Variants in GRIN2B observed in about 807,000 individuals in gnomAD.
GRIN2B encodes glutamate receptor ionotropic, NMDA 2B.
A neutral mutation model predicts 114.5 loss-of-function variants in GRIN2B; 5 were observed. The ratio of observed to expected loss-of-function variants is 0.04; its 90% CI spans 0.02 to 0.09. The LOEUF (loss-of-function observed/expected upper bound fraction) is 0.09, where lower values mean the gene tolerates loss of function less well. Ranked by LOEUF, GRIN2B falls within the 10% of genes least tolerant of loss-of-function variation. GRIN2B has a pLI of 1.00. For missense variants in GRIN2B, 1,108 were observed against 1,943.5 expected, an observed-to-expected ratio of 0.57 and a Z score of 8.08; for synonymous variants, 787 against 745.1, an observed-to-expected ratio of 1.06 and a Z score of -0.92.
At chr12:13,832,570 A>C (rs1044706060) in intron 3 of GRIN2B, among the ~76,000 whole-genome samples, 3 of 152,178 alleles carry the variant, frequency 2.0e-5, no homozygotes, top group Non-Finnish European at 2.9e-5. Context: ...ATATTTGTTG[A>C]TTATAATTTT....
chr12:13,638,723 A>G (rs917907101), intron 5 of GRIN2B, among the ~76,000 whole-genome samples: 2 of 152,100 alleles, frequency 1.3e-5, no homozygotes, highest in African/African-American at 4.8e-5. Flanking sequence ...ACACTAAAAA[A>G]CTGCTTGGAA....
intron 3 of GRIN2B, among the ~76,000 whole-genome samples, chr12:13,841,910 C>T (rs1370106609): frequency 1.3e-5 from 2 of 151,862 alleles, no homozygotes; most frequent in Middle Eastern, 3.2e-3. Context: ...TTTTAAAAGT[C>T]GAAATTGGAA....
Position 13,615,696 on chromosome 12 carries a change from CAA to C in GRIN2B, c.1329-34_1329-33del. 6.3e-7 allele frequency: 1 copy of C among 1,596,538 alleles called. No individual in the cohort carries two copies. Among genetic ancestry groups the C allele is most frequent in the South Asian group, 1.1e-5 (1 of 90,756 alleles). The stretch of plus-strand genomic sequence containing the variant: ...AATTAAAGAAACAAAAACAAACAAA[CAA>C]AAAAGTCTTTGTACAAAAAGCCAAC... On this transcript the variant is annotated intron_variant, in intron 6 of 13. Transcript: ENST00000609686. The surrounding 1 kb of genome is among the most constrained non-coding windows in gnomAD (Gnocchi z 5.8).
chr12:13,647,715 C>T lies in GRIN2B; in HGVS notation c.1125+28030G>A, dbSNP rs79787795. Among the ~76,000 whole-genome samples the T allele has an allele frequency of 2.9e-4, 44 of 152,090 alleles. 1 individual carries two copies. In the East Asian group the frequency reaches 8.5e-3, roughly 30 times the overall value. On this transcript the variant is annotated intron_variant, in intron 5 of 13. Coordinates refer to ENST00000609686, the MANE Select transcript of GRIN2B (RefSeq NM_000834.5). Reference sequence around the variant, plus strand: ...CTAGCATTGAAGAGAGGTCCACACCCACTCAAAAGGGGAATTCAGTGAATG... The same window carrying T: ...CTAGCATTGAAGAGAGGTCCACACCTACTCAAAAGGGGAATTCAGTGAATG...
At chr12:13,786,492 C>T (rs935466976) in intron 3 of GRIN2B, among the ~76,000 whole-genome samples, 3 of 152,136 alleles carry the variant, frequency 2.0e-5, no homozygotes, top group Non-Finnish European at 4.4e-5. Context: ...AAGAACTGCA[C>T]GCCATTTTAA....
intron 2 of GRIN2B, among the ~76,000 whole-genome samples, chr12:13,879,926 C>T (rs7952915): frequency 2.0e-5 from 3 of 152,104 alleles, no homozygotes; most frequent in Admixed American, 6.5e-5. Flanking sequence ...ACTTGACTTA[C>T]GACTTCACAC....
rs149670003 is a variant in GRIN2B at position 13,688,992 on chromosome 12, T to C, written c.1011-13133A>G. Reference sequence around the variant, plus strand: ...TACTACCATGCTATGTTATCTTAGTTCTCCTCCTTCATCTGTGATTTCTCC... The same window carrying C: ...TACTACCATGCTATGTTATCTTAGTCCTCCTCCTTCATCTGTGATTTCTCC... On this transcript the variant is annotated intron_variant, in intron 4 of 13. Transcript: ENST00000609686. 4.2e-3 allele frequency among the ~76,000 whole-genome samples: 641 copies of C among 152,300 alleles called. 5 individuals are homozygous for C. The highest frequency in any genetic ancestry group is 0.01 in the Admixed American group (160 of 15,292).
chr12:13,649,368 A>C (rs1949793971), intron 5 of GRIN2B, among the ~76,000 whole-genome samples: 1 of 152,040 alleles, frequency 6.6e-6, no homozygotes, highest in Admixed American at 6.6e-5. Flanking sequence ...CCTTTTAGCA[A>C]GAGGTCAACT....
chr12:13,669,670 C>T (rs1950005949), intron 5 of GRIN2B, among the ~76,000 whole-genome samples: 1 of 152,142 alleles, frequency 6.6e-6, no homozygotes, highest in African/African-American at 2.4e-5. Context: ...AGTGATGTCT[C>T]ACACCATGCT....
chr12:13,895,653 A>G (rs1232674099), intron 2 of GRIN2B, among the ~76,000 whole-genome samples: 3 of 152,212 alleles, frequency 2.0e-5, no homozygotes, highest in Non-Finnish European at 2.9e-5. Context: ...TAAATATTTT[A>G]CTGTTCTTGT....
At chr12:13,576,373 C>T (rs112685054) in intron 10 of GRIN2B, among the ~76,000 whole-genome samples, 1 of 151,996 alleles carries the variant, frequency 6.6e-6, no homozygotes, top group African/African-American at 2.4e-5. Context: ...AAAAATTTAG[C>T]GCTGTCAAGA....
intron 2 of GRIN2B, among the ~76,000 whole-genome samples, chr12:13,947,552 A>G (rs1867383637): frequency 6.6e-6 from 1 of 152,204 alleles, no homozygotes; most frequent in Admixed American, 6.5e-5. Context: ...TGGTTTTCCC[A>G]TACATCCAGT....
chr12:13,547,981 A>ATATATATATATATTTTTTTT lies in GRIN2B; in HGVS notation c.*14801_*14802insAAAAAAAATATATATATATA. On this transcript the variant is annotated 3_prime_UTR_variant, in exon 14 of 14. Coordinates refer to ENST00000609686, the MANE Select transcript of GRIN2B (RefSeq NM_000834.5). ...TGTGTATATATATATATATATATAT[A>ATATATATATATATTTTTTTT]TTTTTTTTTTTTTTCTGAAAGCTAC... 2 of 68,592 alleles carry ATATATATATATATTTTTTTT rather than the reference A, an allele frequency of 2.9e-5. No homozygotes were observed. Among genetic ancestry groups the ATATATATATATATTTTTTTT allele is most frequent in the African/African-American group, 4.6e-5 (1 of 21,784 alleles). The allele number at this position is 68,592 out of a possible 1,614,324, so 4.2% of individuals were successfully genotyped here.
intron 2 of GRIN2B, among the ~76,000 whole-genome samples, chr12:13,957,634 G>A (rs1049047968): frequency 5.9e-5 from 9 of 152,104 alleles, no homozygotes; most frequent in African/African-American, 2.2e-4. Flanking sequence ...CTCCTATAAG[G>A]CTACTAGAAG....
chr12:13,853,219 G>A (rs1865601823), intron 3 of GRIN2B, among the ~76,000 whole-genome samples: 1 of 152,174 alleles, frequency 6.6e-6, no homozygotes, highest in Admixed American at 6.5e-5. Flanking sequence ...TGATGTGTCT[G>A]TTTACTGTCA....
chr12:13,887,092 T>C (rs12313249), intron 2 of GRIN2B, among the ~76,000 whole-genome samples: 1 of 152,178 alleles, frequency 6.6e-6, no homozygotes, highest in Non-Finnish European at 1.5e-5. Context: ...ATCACTACCC[T>C]ATATATCCTC....
intron 4 of GRIN2B, among the ~76,000 whole-genome samples, chr12:13,733,634 G>C: frequency 6.6e-6 from 1 of 152,156 alleles, no homozygotes; most frequent in Non-Finnish European, 1.5e-5. Context: ...GGCTTGCGTA[G>C]AGGCTCTTAA....
chr12:13,567,364 C>A, intron 12 of GRIN2B, 101 bp from the exon 13 acceptor site: 1 of 775,316 alleles, frequency 1.3e-6, no homozygotes, highest in Non-Finnish European at 2.2e-6. Flanking sequence ...GAGAAAGATA[C>A]GTGACAGAAA....
intron 3 of GRIN2B, among the ~76,000 whole-genome samples, chr12:13,799,826 G>T (rs888995296): frequency 2.0e-5 from 3 of 152,066 alleles, no homozygotes; most frequent in African/African-American, 7.2e-5. Flanking sequence ...GCCACCCAGG[G>T]TGAGAGTGAG....
Sources: allele counts gnomAD v4.1 joint callset (sites outside exome capture counted in the v4.1 genomes callset), GRCh38; gene constraint gnomAD v4.1.1; non-coding constraint Gnocchi (gnomAD v3.1); transcripts MANE v1.5; gene names NCBI Gene and HGNC (gene_info 2026-07-23, HGNC 2026-07-21).